Variants in COL21A1 observed in about 807,000 individuals in gnomAD.
COL21A1 encodes the protein collagen alpha-1(XXI) chain.
COL21A1 carries 149 observed loss-of-function variants against 137.9 expected under a neutral mutation model. That is an observed-to-expected ratio of 1.08 (90% CI 0.95 to 1.24). The LOEUF is 1.24. Ranked by LOEUF, COL21A1 falls within the 50% of genes most tolerant of loss-of-function variation. The pLI is 0.00. For synonymous variants in COL21A1, 456 were observed against 391.5 expected, an observed-to-expected ratio of 1.16 and a Z score of -1.95; for missense variants, 1,167 against 1,158.4, an observed-to-expected ratio of 1.01 and a Z score of -0.11.
intron 1 of COL21A1, among the ~76,000 whole-genome samples, chr6:56,338,027 A>G (rs893990646): frequency 2.0e-5 from 3 of 146,868 alleles, no homozygotes; most frequent in Non-Finnish European, 3.0e-5. Context: ...CAGTGGCGCA[A>G]TCTCGGCTCA....
intron 12 of COL21A1, chr6:56,126,452 G>A: frequency 3.8e-6 from 1 of 264,914 alleles, no homozygotes; most frequent in East Asian, 1.1e-4. Flanking sequence ...CAAGACACAT[G>A]AATTAATTGA....
intron 1 of COL21A1, among the ~76,000 whole-genome samples, chr6:56,332,452 A>G (rs1218280112): frequency 6.8e-6 from 1 of 147,082 alleles, no homozygotes; most frequent in African/African-American, 2.5e-5. Flanking sequence ...TTGTGGTTGA[A>G]TCTAGCTGCA....
rs1038880445 is a variant in COL21A1, at chr6:56,222,259, G to A, written c.-39+25128C>T. 3.9e-4 allele frequency among the ~76,000 whole-genome samples: 60 copies of A among 151,906 alleles called. 1 individual carries two copies. Among genetic ancestry groups the A allele is most frequent in the Non-Finnish European group, 6.2e-4 (42 of 67,964 alleles). ...TTGCACTCTAGCCTTGGCAACAAGA[G>A]TGAAATTCCGTCTCAAAAAAAAAAA... On this transcript the variant is annotated intron_variant, in intron 1 of 29. Transcript: ENST00000244728.
At chr6:56,389,577 A>G (rs1422730693) in intron 1 of COL21A1, among the ~76,000 whole-genome samples, 1 of 152,216 alleles carries the variant, frequency 6.6e-6, no homozygotes, top group African/African-American at 2.4e-5. Flanking sequence ...ACATCTAGGT[A>G]CAAAAAGGTT....
In COL21A1 at chr6:56,315,552, C is replaced by T. The variant is rs147097029; in HGVS notation, c.-39+78419G>A. Among the ~76,000 whole-genome samples the T allele has an allele frequency of 3.3e-5, 5 of 150,928 alleles. No homozygotes were observed. In the East Asian group the frequency reaches 7.7e-4, roughly 23 times the overall value. ...AGATCCGGGTTGAATCTTGAATCTC[C>T]CATTTCCAAACTACAGTTTCTATTC... On this transcript the variant is annotated intron_variant, in intron 1 of 28. Transcript: ENST00000370819.
intron 1 of COL21A1, among the ~76,000 whole-genome samples, chr6:56,266,886 A>C (rs1299852325): frequency 1.3e-5 from 2 of 152,218 alleles, no homozygotes; most frequent in East Asian, 3.8e-4. Context: ...TGTGCAGTTA[A>C]CTATTAATAG....
intron 22 of COL21A1, 131 bp downstream of exon 22, chr6:56,068,915 A>G: frequency 1.5e-6 from 1 of 655,490 alleles, no homozygotes; most frequent in Non-Finnish European, 2.7e-6. Context: ...TTATACATAC[A>G]TCGAATATAT....
chr6:56,231,217 C>A (rs917327633), intron 1 of COL21A1: 1 of 151,688 alleles, frequency 6.6e-6, no homozygotes, highest in Non-Finnish European at 1.5e-5. Context: ...TTTAAAAGAA[C>A]GGAAAATAAA....
At chr6:56,298,631 C>T (rs1416620184) in intron 1 of COL21A1, among the ~76,000 whole-genome samples, 4 of 152,038 alleles carry the variant, frequency 2.6e-5, no homozygotes. Flanking sequence ...ATGGTATATT[C>T]AGGATAGAGC....
intron 1 of COL21A1, among the ~76,000 whole-genome samples, chr6:56,222,686 A>T (rs1231032468): frequency 6.6e-6 from 1 of 152,110 alleles, no homozygotes; most frequent in Admixed American, 6.6e-5. Context: ...AAAATCATGT[A>T]CACAAAGATT....
intron 1 of COL21A1, among the ~76,000 whole-genome samples, chr6:56,255,162 G>T (rs112542400): frequency 6.6e-6 from 1 of 151,932 alleles, no homozygotes; most frequent in Non-Finnish European, 1.5e-5. Context: ...CTGTGGGGTC[G>T]GTCAAGTCAT....
chr6:56,243,817 T>A, intron 1 of COL21A1, among the ~76,000 whole-genome samples: 1 of 152,294 alleles, frequency 6.6e-6, no homozygotes, highest in Admixed American at 6.5e-5. Context: ...TACCTTGTCT[T>A]TAACCAAGAG....
At chr6:56,261,669 T>C (rs979272945) in intron 1 of COL21A1, among the ~76,000 whole-genome samples, 1 of 152,248 alleles carries the variant, frequency 6.6e-6, no homozygotes, top group East Asian at 1.9e-4. Flanking sequence ...TAAGGGGTTT[T>C]TTCTTGTGAT....
At chr6:56,303,980 T>C (rs370453687) in intron 1 of COL21A1, among the ~76,000 whole-genome samples, 2 of 152,322 alleles carry the variant, frequency 1.3e-5, no homozygotes. Flanking sequence ...TCTGCATCTG[T>C]TGAGAGAATC....
intron 1 of COL21A1, among the ~76,000 whole-genome samples, chr6:56,326,497 C>A (rs1765094167): frequency 6.6e-6 from 1 of 151,886 alleles, no homozygotes; most frequent in Non-Finnish European, 1.5e-5. Flanking sequence ...TATCTTCTTT[C>A]CAATTTCATT....
chr6:56,180,146 A>C lies in COL21A1; in HGVS notation c.89-17T>G, dbSNP rs991314029. On this transcript the variant is annotated splice_polypyrimidine_tract_variant and intron_variant, in intron 2 of 29. Coordinates refer to ENST00000244728, the MANE Select transcript of COL21A1 (RefSeq NM_030820.4). ...TACGACAACCTAAGTGCAAAAGAAAACCATCATAGCACATCTTTTATATAA... is the reference window on the plus strand; with the variant it reads ...TACGACAACCTAAGTGCAAAAGAAACCCATCATAGCACATCTTTTATATAA... The C allele has an allele frequency of 7.0e-6, 11 of 1,581,298 alleles. No homozygotes were observed. The highest frequency in any genetic ancestry group is 1.9e-5 in the Admixed American group (1 of 53,524).
intron 1 of COL21A1, among the ~76,000 whole-genome samples, chr6:56,243,777 G>A (rs535434391): frequency 2.0e-5 from 3 of 152,266 alleles, no homozygotes; most frequent in South Asian, 4.1e-4. Context: ...ATGAGGTCAG[G>A]ATTCAGGGCT....
At chr6:56,346,372 T>C (rs72873682) in intron 1 of COL21A1, among the ~76,000 whole-genome samples, 4,676 of 152,336 alleles carry the variant, frequency 0.031, 116 homozygotes, top group Non-Finnish European at 0.048. Flanking sequence ...GCTGCTTTTG[T>C]TCATTGTTTG....
chr6:56,257,502 C>A (rs919528098), intron 1 of COL21A1, among the ~76,000 whole-genome samples: 2 of 152,018 alleles, frequency 1.3e-5, no homozygotes, highest in Admixed American at 1.3e-4. Flanking sequence ...GTAACACATT[C>A]TTTATAATGG....
Sources: gnomAD v4.1 joint callset for allele counts (sites outside exome capture counted in the v4.1 genomes callset) on GRCh38, gnomAD v4.1.1 for gene constraint, MANE v1.5 for transcripts, NCBI Gene and HGNC (gene_info 2026-07-23, HGNC 2026-07-21) for gene names.